TTC39A: variants seen among roughly 807,000 people sequenced by gnomAD.
The protein encoded by TTC39A is tetratricopeptide repeat protein 39A.
A neutral mutation model predicts 82.3 loss-of-function variants in TTC39A; 46 were observed. The observed-to-expected ratio is 0.56, with a 90% CI of 0.44 to 0.71. The LOEUF is 0.71. Among genes scored for constraint, TTC39A ranks in the 30% least tolerant of loss-of-function variants. TTC39A has a pLI of 0.00. For missense variants in TTC39A, 543 were observed against 712.9 expected, an observed-to-expected ratio of 0.76 and a Z score of 2.71; for synonymous variants, 254 against 275.2, an observed-to-expected ratio of 0.92 and a Z score of 0.76.
intron 1 of TTC39A, among the ~76,000 whole-genome samples, chr1:51,338,065 AG>A (rs151120363): frequency 0.032 from 4,832 of 152,322 alleles, 128 homozygotes; most frequent in Non-Finnish European, 0.051. Flanking sequence ...CTCAATAAAA[AG>A]CCTTGCTGCC....
chr1:51,299,304 C>T (rs1452438644), intron 12 of TTC39A: 1 of 152,244 alleles, frequency 6.6e-6, no homozygotes, highest in African/African-American at 2.4e-5. Flanking sequence ...CCGCTGCTGA[C>T]TCTGGCAGGG....
intron 13 of TTC39A, chr1:51,295,690 C>T (rs781107041): frequency 1.3e-5 from 3 of 226,088 alleles, no homozygotes; most frequent in Non-Finnish European, 2.7e-5. Context: ...CTTGTTTGTT[C>T]GATTCCGACT....
chr1:51,326,086 A>G (rs997060598), intron 1 of TTC39A: 8 of 152,316 alleles, frequency 5.3e-5, no homozygotes, highest in Admixed American at 3.3e-4. Context: ...CAGAGTGGAC[A>G]CAGACCTAGG....
rs1644051967 is a variant in TTC39A, at chr1:51,288,016, G to T, written c.*141C>A. 7.5e-7 allele frequency: 1 copy of T among 1,337,204 alleles called. No homozygotes were observed. The highest frequency in any genetic ancestry group is 1.0e-6 in the Non-Finnish European group (1 of 995,398). 82.8% of individuals were successfully genotyped at this position (1,337,204 alleles called of 1,614,324 possible). On this transcript the variant is annotated 3_prime_UTR_variant, in exon 18 of 18. Transcript: ENST00000680483. This position sits in a 1 kb window ranked among gnomAD's most constrained non-coding sequence, Gnocchi z 4.8. The stretch of plus-strand genomic sequence containing the variant: ...AAAATGCCAGCTCGGCTTCTGCACG[G>T]ATACACTATGTTGTGCCATCCAACT...
In TTC39A at chr1:51,290,099, C is replaced by T. The variant is rs962401549; in HGVS notation, c.1399G>A (p.Asp467Asn). 2 of 1,613,820 alleles carry T rather than the reference C, an allele frequency of 1.2e-6. No individual in the cohort carries two copies. Among genetic ancestry groups the T allele is most frequent in the Non-Finnish European group, 1.7e-6 (2 of 1,179,862 alleles). ...TTCAACAATTTCACCAAGCACTCGT[C>T]ATCCACTGAGTACTCGTTCTCTGAA... Reference protein sequence around the residue: ...KGPENEYSVDDECLVKLLKGL... With the variant: ...KGPENEYSVDNECLVKLLKGL... Residue 467 changes from aspartate to asparagine, a missense_variant, in exon 16 of 18, where the codon GAC becomes AAC. By Grantham distance (23) the Asp-to-Asn change is conservative (BLOSUM62 1). Coordinates refer to ENST00000680483, the MANE Select transcript of TTC39A (RefSeq NM_001297663.2).
chr1:51,318,027 G>A (rs1313457056), intron 2 of TTC39A, among the ~76,000 whole-genome samples: 3 of 152,220 alleles, frequency 2.0e-5, no homozygotes, highest in Non-Finnish European at 4.4e-5. Context: ...CGAGGACCCA[G>A]GCACAGCCAC....
intron 6 of TTC39A, among the ~76,000 whole-genome samples, chr1:51,307,734 CA>C (rs1216098958): frequency 0.22 from 16,786 of 75,456 alleles, 910 homozygotes; most frequent in African/African-American, 0.33. Flanking sequence ...GACTCTGTCT[CA>C]AAAAAAAAAA....
Position 51,288,955 on chromosome 1 carries a change from A to G in TTC39A, c.1494T>C (p.Asn498=). The change falls in exon 17 of 18, where the codon AAT becomes AAC. Residue 498 remains asparagine (N), a splice_region_variant and synonymous_variant. Coordinates refer to ENST00000680483, the MANE Select transcript of TTC39A (RefSeq NM_001297663.2). The surrounding 1 kb of genome is among the most constrained non-coding windows in gnomAD (Gnocchi z 4.8). ...AGTGGTCATATTTAATCTTCTTTTC[A>G]CTGCAGAACAGAGGACATGGCTCAG... The part of the protein sequence containing the change: ...AEENFRSISA[N]EKKIKYDHYL... 6.3e-7 allele frequency: 1 copy of G among 1,591,646 alleles called. No homozygotes were observed. Among genetic ancestry groups the G allele is most frequent in the Non-Finnish European group, 8.6e-7 (1 of 1,168,488 alleles).
upstream of TTC39A, among the ~76,000 whole-genome samples, chr1:51,333,970 T>TTAA (rs1645943027): frequency 6.6e-6 from 1 of 152,176 alleles, no homozygotes; most frequent in South Asian, 2.1e-4. Context: ...ATTATCTTAT[T>TTAA]TAATTTTCAC....
intron 1 of TTC39A, chr1:51,329,886 C>T (rs1645841788): frequency 6.5e-6 from 1 of 152,926 alleles, no homozygotes; most frequent in African/African-American, 2.4e-5. Flanking sequence ...GTGACAACAC[C>T]CACTTTTTAC....
chr1:51,288,879 C>A lies in TTC39A; in HGVS notation c.1570G>T (p.Asp524Tyr). Residue 524 changes from aspartate (D) to tyrosine (Y), a missense_variant, in exon 17 of 18, where the codon GAC becomes TAC. Coordinates refer to ENST00000680483, the MANE Select transcript of TTC39A (RefSeq NM_001297663.2). This position sits in a 1 kb window ranked among gnomAD's most constrained non-coding sequence, Gnocchi z 4.8. ...AGTTTGATGGCCTCTTCGTTTCTGT[C>A]TTGCTCCATAAGCAGCAGGGCCAGC... is the stretch of plus-strand genomic sequence containing the variant. ...LELALLLMEQ[D>Y]RNEEAIKLLE... The A allele has an allele frequency of 6.2e-7, 1 of 1,612,228 alleles. No homozygotes were observed. Among genetic ancestry groups the A allele is most frequent in the Non-Finnish European group, 8.5e-7 (1 of 1,179,234 alleles).
chr1:51,312,216 C>T (rs1645111765), intron 3 of TTC39A, 21 bp from the exon 4 acceptor site: 1 of 1,590,614 alleles, frequency 6.3e-7, no homozygotes, highest in Admixed American at 1.8e-5. Flanking sequence ...AAAAGAGGGG[C>T]CTCAGGTGAG....
rs776890404 is a variant in TTC39A, at chr1:51,303,112, G to C, written c.735C>G (p.Cys245Trp). Reference sequence around the variant, plus strand: ...GCACGAAGGTGAGGAAGGTGTGGTAGCACAGCAGGAGCATGACACAGAGCA... The same window carrying C: ...GCACGAAGGTGAGGAAGGTGTGGTACCACAGCAGGAGCATGACACAGAGCA... ...RSVLCVMLLL[C>W]YHTFLTFVLG... Residue 245 changes from cysteine to tryptophan, a missense_variant, in exon 9 of 18, where the codon TGC becomes TGG. Coordinates refer to ENST00000680483, the MANE Select transcript of TTC39A (RefSeq NM_001297663.2). The C allele has an allele frequency of 6.3e-7, 1 of 1,580,558 alleles. No homozygotes were observed. Among genetic ancestry groups the C allele is most frequent in the African/African-American group, 1.4e-5 (1 of 74,064 alleles).
chr1:51,320,416 C>CTTTTTTTTTTTTTTTT (rs57261779), intron 2 of TTC39A, among the ~76,000 whole-genome samples: 2 of 79,450 alleles, frequency 2.5e-5, no homozygotes, highest in Non-Finnish European at 2.4e-5. Context: ...TTTTCTTTTT[C>CTTTTTTTTTTTTTTTT]TTTTTTTTTT....
chr1:51,331,594 A>G (rs1336030642), upstream of TTC39A: 2 of 985,326 alleles, frequency 2.0e-6, no homozygotes, highest in Non-Finnish European at 2.4e-6. Context: ...ACCAGATCCC[A>G]GGGGAGCCAG....
chr1:51,344,312 C>CTGA (rs1206919797), intron 1 of TTC39A, among the ~76,000 whole-genome samples: 5 of 152,088 alleles, frequency 3.3e-5, no homozygotes, highest in African/African-American at 1.2e-4. Flanking sequence ...AGGGCTGAAC[C>CTGA]TCAGAAGATG....
chr1:51,289,446 C>T (rs1285561902), intron 16 of TTC39A, among the ~76,000 whole-genome samples: 2 of 152,146 alleles, frequency 1.3e-5, no homozygotes, highest in Non-Finnish European at 2.9e-5. Context: ...ACCCCATCAC[C>T]GTCACCCCAG....
chr1:51,334,195 C>CAAAAA (rs763569273), upstream of TTC39A, among the ~76,000 whole-genome samples: 1 of 38,056 alleles, frequency 2.6e-5, no homozygotes, highest in Non-Finnish European at 5.4e-5. Context: ...CCTGTCTCTA[C>CAAAAA]AAAAAAAAAA....
rs750073883 is a variant in TTC39A, at chr1:51,288,865, C to T, written c.1584G>A (p.Glu528=). 1.9e-6 allele frequency: 3 copies of T among 1,610,840 alleles called. No homozygotes were observed. The highest frequency in any genetic ancestry group is 2.2e-5 in the South Asian group (2 of 90,044). ...TGGCAGATTCCAAAAGTTTGATGGC[C>T]TCTTCGTTTCTGTCTTGCTCCATAA... ...LLLMEQDRNE[E]AIKLLESAKQ... is the part of the protein sequence containing the mutation. Residue 528 remains glutamate (E), a synonymous_variant, in exon 17 of 18, where the codon GAG becomes GAA. Transcript: ENST00000680483. The surrounding 1 kb of genome is among the most constrained non-coding windows in gnomAD (Gnocchi z 4.8).
Sources: allele counts gnomAD v4.1 joint callset (sites outside exome capture counted in the v4.1 genomes callset), GRCh38; gene constraint gnomAD v4.1.1; non-coding constraint Gnocchi (gnomAD v3.1); transcripts MANE v1.5; gene names NCBI Gene and HGNC (gene_info 2026-07-23, HGNC 2026-07-21).